SLC60A2: variants seen among roughly 807,000 people sequenced by gnomAD.
The protein encoded by SLC60A2 is solute carrier family 60 member 2.
At chr6:111,272,456 C>T in the SLC60A2 span, among the ~76,000 whole-genome samples, 1 of 151,184 alleles carries the variant, frequency 6.6e-6, no homozygotes, top group Non-Finnish European at 1.5e-5. Context: ...GATTATTGAA[C>T]TATAGTGACC....
the SLC60A2 span, chr6:111,263,683 A>G: frequency 5.8e-5 from 30 of 513,066 alleles, no homozygotes; most frequent in Non-Finnish European, 1.1e-4. Flanking sequence ...TTCAAATGAA[A>G]TAATCACTTT....
At chr6:111,262,130 T>A in the SLC60A2 span, 2 of 664,380 alleles carry the variant, frequency 3.0e-6, no homozygotes, top group Admixed American at 3.3e-5. Context: ...GTAGTCTAAT[T>A]CCCTACATTA....
chr6:111,275,027 A>G, the SLC60A2 span, among the ~76,000 whole-genome samples: 10 of 151,172 alleles, frequency 6.6e-5, no homozygotes, highest in African/African-American at 2.2e-4. Flanking sequence ...GGCTCAAGCA[A>G]TCCACTCACC....
chr6:111,260,080 T>C, the SLC60A2 span, among the ~76,000 whole-genome samples: 2 of 152,192 alleles, frequency 1.3e-5, no homozygotes, highest in South Asian at 4.1e-4. Context: ...CCGGCTAATT[T>C]TTGTATTTTT....
the SLC60A2 span, chr6:111,265,189 ATATT>A: frequency 2.7e-6 from 2 of 731,730 alleles, no homozygotes; most frequent in African/African-American, 3.8e-5. Context: ...TGTTGAGGAA[ATATT>A]TTATTTTACT....
At chr6:111,273,367 A>G in the SLC60A2 span, among the ~76,000 whole-genome samples, 1 of 151,826 alleles carries the variant, frequency 6.6e-6, no homozygotes, top group Non-Finnish European at 1.5e-5. Context: ...CTGGTTTTGA[A>G]TTCCTGGCCT....
the SLC60A2 span, chr6:111,263,970 C>G: frequency 4.1e-6 from 5 of 1,210,804 alleles, no homozygotes; most frequent in Non-Finnish European, 6.1e-6. Context: ...TCAACGTCAT[C>G]TCTGGGAGTA....
the SLC60A2 span, chr6:111,267,423 A>AGG: frequency 4.1e-6 from 1 of 244,776 alleles, no homozygotes; most frequent in African/African-American, 2.2e-5. Context: ...GTTTTTGAGA[A>AGG]GGGGGGTATT....
At chr6:111,268,017 C>T in the SLC60A2 span, 1 of 152,156 alleles carries the variant, frequency 6.6e-6, no homozygotes, top group Non-Finnish European at 1.5e-5. Flanking sequence ...TATCTCGCCT[C>T]CTGATCTGTG....
At chr6:111,271,488 G>A in the SLC60A2 span, among the ~76,000 whole-genome samples, 2 of 152,028 alleles carry the variant, frequency 1.3e-5, no homozygotes, top group Admixed American at 1.3e-4. Context: ...ATCAGATAAA[G>A]TATCAGAAAT....
At chr6:111,277,475 A>T in the SLC60A2 span, among the ~76,000 whole-genome samples, 1 of 152,210 alleles carries the variant, frequency 6.6e-6, no homozygotes, top group African/African-American at 2.4e-5. Flanking sequence ...TTCCAAATTC[A>T]TGCATTTCAG....
At chr6:111,264,531 T>C in the SLC60A2 span, among the ~76,000 whole-genome samples, 4 of 152,172 alleles carry the variant, frequency 2.6e-5, no homozygotes, top group African/African-American at 9.7e-5. Flanking sequence ...GGCTCACACC[T>C]GTAATCCAGC....
chr6:111,278,747 T>TA, the SLC60A2 span: 1 of 152,258 alleles, frequency 6.6e-6, no homozygotes, highest in African/African-American at 2.4e-5. Flanking sequence ...GTAAATTACC[T>TA]AATCTCAGGT....
At chr6:111,268,192 A>G in the SLC60A2 span, 1 of 152,252 alleles carries the variant, frequency 6.6e-6, no homozygotes, top group Non-Finnish European at 1.5e-5. Context: ...CTAATGATAA[A>G]TGATTACATG....
the SLC60A2 span, among the ~76,000 whole-genome samples, chr6:111,277,749 C>T: frequency 6.6e-6 from 1 of 152,102 alleles, no homozygotes; most frequent in African/African-American, 2.4e-5. Context: ...TAGTACTTGT[C>T]TATGTCTTTG....
At chr6:111,270,896 G>A in the SLC60A2 span, 1 of 151,858 alleles carries the variant, frequency 6.6e-6, no homozygotes, top group Non-Finnish European at 1.5e-5. Flanking sequence ...AGCTTCAGCG[G>A]TCACTGAAAG....
chr6:111,272,211 C>T, the SLC60A2 span, among the ~76,000 whole-genome samples: 1 of 151,932 alleles, frequency 6.6e-6, no homozygotes, highest in Non-Finnish European at 1.5e-5. Context: ...CCATGTTGGC[C>T]AGGCTGGTCT....
chr6:111,271,159 C>T, the SLC60A2 span: 1 of 99,448 alleles, frequency 1.0e-5, no homozygotes, highest in Non-Finnish European at 1.8e-5. Flanking sequence ...CAGAGGGAGA[C>T]TCCATCTCAA....
chr6:111,267,224 T>A, the SLC60A2 span: 1 of 1,171,898 alleles, frequency 8.5e-7, no homozygotes. Context: ...GGATTAAAAT[T>A]TTTAGGTCCA....
Sources: allele counts gnomAD v4.1 joint callset (sites outside exome capture counted in the v4.1 genomes callset), GRCh38; gene constraint gnomAD v4.1.1; transcripts MANE v1.5; gene names NCBI Gene and HGNC (gene_info 2026-07-23, HGNC 2026-07-21).